The following ENOX1 variants were observed in gnomAD, a reference collection of about 807,000 sequenced individuals.
ENOX1 encodes the protein candidate growth-related and time keeping constitutive hydroquinone (NADH) oxidase.
In ENOX1, 42 loss-of-function variants were observed where a neutral mutation model predicts 82.5. That is an observed-to-expected ratio of 0.51 (90% CI 0.40 to 0.66). ENOX1 has a LOEUF of 0.66. Among genes scored for constraint, ENOX1 ranks in the 30% least tolerant of loss-of-function variants. ENOX1 has a pLI of 0.00. For missense variants in ENOX1, 608 were observed against 811.6 expected, an observed-to-expected ratio of 0.75 and a Z score of 3.05; for synonymous variants, 271 against 282.2, an observed-to-expected ratio of 0.96 and a Z score of 0.40.
chr13:43,636,373 G>A (rs2083415302), intron 2 of ENOX1, among the ~76,000 whole-genome samples: 1 of 152,128 alleles, frequency 6.6e-6, no homozygotes, highest in Non-Finnish European at 1.5e-5. Context: ...AGATAACTCT[G>A]GAAGAGCCAG....
intron 12 of ENOX1, among the ~76,000 whole-genome samples, chr13:43,284,957 G>A (rs1000249857): frequency 5.3e-5 from 8 of 152,206 alleles, no homozygotes; most frequent in South Asian, 4.2e-4. Flanking sequence ...GAGACACAGA[G>A]AGAAGAAACA....
At chr13:43,427,560 C>A (rs563152333) in intron 3 of ENOX1, among the ~76,000 whole-genome samples, 6 of 152,136 alleles carry the variant, frequency 3.9e-5, no homozygotes, top group Non-Finnish European at 8.8e-5. Context: ...AGAAAGAAGT[C>A]TAGGGTAAAG....
intron 3 of ENOX1, among the ~76,000 whole-genome samples, chr13:43,418,349 G>A (rs528957128): frequency 9.2e-5 from 14 of 152,300 alleles, no homozygotes; most frequent in African/African-American, 3.4e-4. Flanking sequence ...CCAACGTGGT[G>A]AAACCCTATC....
At chr13:43,560,493 T>C (rs1379026216) in intron 2 of ENOX1, among the ~76,000 whole-genome samples, 1 of 152,160 alleles carries the variant, frequency 6.6e-6, no homozygotes. Context: ...TTTGCCATCA[T>C]TAATGAGGCC....
chr13:43,381,619 G>C (rs1283253089), intron 5 of ENOX1, among the ~76,000 whole-genome samples: 4 of 151,722 alleles, frequency 2.6e-5, no homozygotes, highest in Non-Finnish European at 5.9e-5. Flanking sequence ...CAATGAAATT[G>C]ATAAAACTCC....
chr13:43,261,955 A>G (rs1287184437), intron 14 of ENOX1, among the ~76,000 whole-genome samples: 1 of 151,674 alleles, frequency 6.6e-6, no homozygotes, highest in Non-Finnish European at 1.5e-5. Context: ...TAACCTGCAC[A>G]ATGTGCACAT....
chr13:43,530,865 G>A (rs185931284), intron 2 of ENOX1, among the ~76,000 whole-genome samples: 1 of 151,890 alleles, frequency 6.6e-6, no homozygotes, highest in Admixed American at 6.6e-5. Flanking sequence ...ATATCATTGG[G>A]TACCATTTAG....
rs558302206 is a variant in ENOX1, at chr13:43,252,113, T to C, written c.1611+13285A>G. ...AATTAGATTCTGCAAGTCTCAAACA[T>C]AAGTAGCTCACCAGCGTACACTGAA... On this transcript the variant is annotated intron_variant, in intron 14 of 16. Transcript: ENST00000690772. Among the ~76,000 whole-genome samples the C allele has an allele frequency of 5.3e-5, 8 of 152,258 alleles. No individual in the cohort carries two copies. In the South Asian group the frequency reaches 1.5e-3, roughly 28 times the overall value.
At chr13:43,745,118 G>A (rs763283481) in intron 1 of ENOX1, among the ~76,000 whole-genome samples, 17 of 152,160 alleles carry the variant, frequency 1.1e-4, no homozygotes, top group Non-Finnish European at 4.4e-5. Flanking sequence ...CTTCACAAGA[G>A]TGGAGGAAGA....
intron 3 of ENOX1, among the ~76,000 whole-genome samples, chr13:43,436,613 C>G (rs1057033083): frequency 6.6e-6 from 1 of 151,976 alleles, no homozygotes; most frequent in Non-Finnish European, 1.5e-5. Flanking sequence ...TGATATTGGC[C>G]AGCTGCAAAA....
chr13:43,750,265 G>A (rs1016855491), intron 1 of ENOX1, among the ~76,000 whole-genome samples: 1 of 152,136 alleles, frequency 6.6e-6, no homozygotes, highest in African/African-American at 2.4e-5. Flanking sequence ...TCAGGAAGTG[G>A]AAACATCTAC....
At chr13:43,470,007 A>G (rs1308214216) in intron 3 of ENOX1, among the ~76,000 whole-genome samples, 2 of 151,640 alleles carry the variant, frequency 1.3e-5, no homozygotes, top group African/African-American at 4.8e-5. Flanking sequence ...GAATAACATT[A>G]AGAAATTCCA....
chr13:43,348,621 G>A lies in ENOX1; in HGVS notation c.824-3871C>T, dbSNP rs553623964. On this transcript the variant is annotated intron_variant, in intron 8 of 16. Transcript: ENST00000690772. ...CACGCTGTCTCACTCTGACCTGACC[G>A]GGATATGAATCATCCCTTTGTCCAG... Among the ~76,000 whole-genome samples, 5 of 152,264 alleles carry A rather than the reference G, an allele frequency of 3.3e-5. No individual in the cohort carries two copies. In the East Asian group the frequency reaches 7.7e-4, roughly 23 times the overall value.
chr13:43,399,771 A>G (rs1024143234), intron 5 of ENOX1, among the ~76,000 whole-genome samples: 4 of 152,166 alleles, frequency 2.6e-5, no homozygotes, highest in African/African-American at 9.7e-5. Context: ...TCTTGCAGAG[A>G]CAGTTCCTCA....
rs1213426069 is a variant in ENOX1 at position 43,786,023 on chromosome 13, G to C, written c.-285+629C>G. Reference sequence around the variant, plus strand: ...GCCTCCTTTACCTCGCGTTGGGCCAGGCAGGGCGCGCTCCCGCCGACGAAG... The same window carrying C: ...GCCTCCTTTACCTCGCGTTGGGCCACGCAGGGCGCGCTCCCGCCGACGAAG... On this transcript the variant is annotated intron_variant, in intron 1 of 16. Transcript: ENST00000690772. The surrounding 1 kb of genome is among the most constrained non-coding windows in gnomAD (Gnocchi z 6.0). Among the ~76,000 whole-genome samples the C allele has an allele frequency of 6.6e-6, 1 of 152,164 alleles. No homozygotes were observed.
rs2085573425 is a variant in ENOX1 at position 43,677,622 on chromosome 13, T to C, written c.-284-10078A>G. ...ACTTGATACCTTGAGGTGCCAATTATCATAGTGATGATTCTATAAAGTACA... is the reference window on the plus strand; with the variant it reads ...ACTTGATACCTTGAGGTGCCAATTACCATAGTGATGATTCTATAAAGTACA... On this transcript the variant is annotated intron_variant, in intron 1 of 16. Transcript: ENST00000690772. Among the ~76,000 whole-genome samples, 3 of 152,332 alleles carry C rather than the reference T, an allele frequency of 2.0e-5. No individual in the cohort carries two copies. In the South Asian group the frequency reaches 6.2e-4, roughly 32 times the overall value.
intron 13 of ENOX1, among the ~76,000 whole-genome samples, chr13:43,267,003 C>A (rs776212693): frequency 6.6e-6 from 1 of 152,182 alleles, no homozygotes; most frequent in Non-Finnish European, 1.5e-5. Context: ...ATGATGTCCT[C>A]TAACTCTGCT....
chr13:43,619,752 G>A (rs767171859), intron 2 of ENOX1, among the ~76,000 whole-genome samples: 3 of 152,122 alleles, frequency 2.0e-5, no homozygotes, highest in Admixed American at 6.5e-5. Context: ...GTATTAGGGT[G>A]ATGCTGGCTT....
At chr13:43,437,466 C>T (rs1424922717) in intron 3 of ENOX1, among the ~76,000 whole-genome samples, 1 of 152,134 alleles carries the variant, frequency 6.6e-6, no homozygotes, top group African/African-American at 2.4e-5. Context: ...AATCATTTGA[C>T]CTTGAGAACT....
Sources: gnomAD v4.1 joint callset for allele counts (sites outside exome capture counted in the v4.1 genomes callset) on GRCh38, gnomAD v4.1.1 for gene constraint, Gnocchi (gnomAD v3.1) non-coding constraint, MANE v1.5 for transcripts, NCBI Gene and HGNC (gene_info 2026-07-23, HGNC 2026-07-21) for gene names.